Variants in SPRED2 observed in about 807,000 individuals in gnomAD.
SPRED2 encodes sprouty related EVH1 domain containing 2.
In SPRED2, 47 loss-of-function variants were observed where a neutral mutation model predicts 43.0. The observed-to-expected ratio is 1.09, with a 90% CI of 0.87 to 1.40. The LOEUF is 1.40. Ranked by LOEUF, SPRED2 falls within the 40% of genes most tolerant of loss-of-function variation. The probability of loss-of-function intolerance (pLI) is 0.00; values close to 1 mark genes in which losing one functional copy is unlikely to be tolerated. For synonymous variants in SPRED2, 225 were observed against 225.7 expected (o/e 1.00, Z 0.03); for missense variants, 561 against 586.4 (o/e 0.96, Z 0.45).
At chr2:65,322,066 C>G (rs962641413) in intron 4 of SPRED2, among the ~76,000 whole-genome samples, 11 of 151,852 alleles carry the variant, frequency 7.2e-5, no homozygotes, top group African/African-American at 2.4e-4. Flanking sequence ...TGAGCTACCA[C>G]GCCTGGCCTA....
At chr2:65,418,447 C>T (rs1676339773) in intron 1 of SPRED2, among the ~76,000 whole-genome samples, 1 of 152,222 alleles carries the variant, frequency 6.6e-6, no homozygotes, top group African/African-American at 2.4e-5. Flanking sequence ...ATACTACCAT[C>T]ATCCTTTTCT....
At chr2:65,404,545 A>G (rs1675978831) in intron 1 of SPRED2, among the ~76,000 whole-genome samples, 1 of 152,194 alleles carries the variant, frequency 6.6e-6, no homozygotes, top group African/African-American at 2.4e-5. Context: ...CATTCATACT[A>G]TACCCTATTC....
chr2:65,340,035 A>T (rs766354164), intron 2 of SPRED2, among the ~76,000 whole-genome samples: 6 of 152,356 alleles, frequency 3.9e-5, no homozygotes, highest in Non-Finnish European at 8.8e-5. Flanking sequence ...GAGATCTTCA[A>T]AAACATAAAG....
chr2:65,311,857 A>G lies in SPRED2; in HGVS notation c.*1644T>C, dbSNP rs562635786. The G allele has an allele frequency of 2.0e-6, 2 of 985,470 alleles. No homozygotes were observed. The highest frequency in any genetic ancestry group is 9.4e-5 in the South Asian group (2 of 21,290). 61.0% of individuals were successfully genotyped at this position (985,470 alleles called of 1,614,324 possible). On this transcript the variant is annotated 3_prime_UTR_variant, in exon 6 of 6. Coordinates refer to ENST00000356388, the MANE Select transcript of SPRED2 (RefSeq NM_181784.3). ...GGTGAGCACAGCTAGCACTTTCCCA[A>G]TATGATTGGCAGACTGGAAAAAAGT...
At chr2:65,345,015 A>G in intron 1 of SPRED2, 119 bp from the exon 2 acceptor site, 1 of 984,762 alleles carries the variant, frequency 1.0e-6, no homozygotes, top group Non-Finnish European at 1.4e-6. Flanking sequence ...AAAGAAATCT[A>G]TGCTTGGCGG....
intron 2 of SPRED2, among the ~76,000 whole-genome samples, chr2:65,340,511 C>G (rs1364249783): frequency 6.6e-6 from 1 of 152,178 alleles, no homozygotes; most frequent in Non-Finnish European, 1.5e-5. Flanking sequence ...TGATTAGTCT[C>G]CATAAAGAGG....
chr2:65,356,488 C>CT (rs1235669594), intron 1 of SPRED2, among the ~76,000 whole-genome samples: 1 of 138,438 alleles, frequency 7.2e-6, no homozygotes, highest in African/African-American at 2.6e-5. Flanking sequence ...TAAACAGAAT[C>CT]TGATTACTTT....
chr2:65,427,696 G>A (rs1676588291), intron 1 of SPRED2, among the ~76,000 whole-genome samples: 2 of 152,220 alleles, frequency 1.3e-5, no homozygotes, highest in Admixed American at 6.5e-5. Context: ...GGGAAGATAA[G>A]TGAAGTGAGA....
In SPRED2 at chr2:65,312,229, C is replaced by T. The variant is rs181508318; in HGVS notation, c.*1272G>A. ...CTAACCACCTGTGCACCCAAAGTGG[C>T]GAGTCTGGGTTTGGAGTTGCAGGAG... On this transcript the variant is annotated 3_prime_UTR_variant, in exon 6 of 6. Coordinates refer to ENST00000356388, the MANE Select transcript of SPRED2 (RefSeq NM_181784.3). 1.8e-5 allele frequency: 18 copies of T among 985,628 alleles called. No individual in the cohort carries two copies. The highest frequency in any genetic ancestry group is 2.3e-4 in the East Asian group (2 of 8,800). The allele number at this position is 985,628 out of a possible 1,614,324, so 61.1% of individuals were successfully genotyped here. A position where few individuals can be genotyped will look rare whatever the true frequency, so the allele number is the denominator to read the frequency against.
chr2:65,315,426 G>A (rs1055222375), intron 5 of SPRED2, among the ~76,000 whole-genome samples: 1 of 152,116 alleles, frequency 6.6e-6, no homozygotes, highest in Non-Finnish European at 1.5e-5. Context: ...TTGATCATGC[G>A]CTTATTAGAT....
rs542779621 is a variant in SPRED2 at position 65,412,676 on chromosome 2, C to T, written c.26+19286G>A. ...TTTTTCAGCAACCAGTTTGAAGACC[C>T]CCCACCCCAAGAGGAATGAGATCAG... On this transcript the variant is annotated intron_variant, in intron 1 of 5. Coordinates refer to ENST00000356388, the MANE Select transcript of SPRED2 (RefSeq NM_181784.3). Among the ~76,000 whole-genome samples the T allele has an allele frequency of 4.5e-4, 69 of 152,150 alleles. 1 individual carries two copies. The highest frequency in any genetic ancestry group is 8.2e-4 in the Non-Finnish European group (56 of 67,990).
chr2:65,379,628 G>C (rs1675325753), intron 1 of SPRED2, among the ~76,000 whole-genome samples: 2 of 152,134 alleles, frequency 1.3e-5, no homozygotes, highest in Admixed American at 6.5e-5. Flanking sequence ...ACCCTGAAGT[G>C]TAATCATGTT....
At chr2:65,348,387 G>A (rs1558662985) in intron 1 of SPRED2, among the ~76,000 whole-genome samples, 1 of 152,154 alleles carries the variant, frequency 6.6e-6, no homozygotes, top group African/African-American at 2.4e-5. Context: ...AATTCCACAG[G>A]AGCAGAAACT....
chr2:65,392,883 T>C (rs1375513286), intron 1 of SPRED2, among the ~76,000 whole-genome samples: 1 of 152,080 alleles, frequency 6.6e-6, no homozygotes, highest in Non-Finnish European at 1.5e-5. Flanking sequence ...GTGGCAAGGA[T>C]GAGGGACGGA....
At chr2:65,309,614 G>C (rs1300986151), downstream of SPRED2, among the ~76,000 whole-genome samples, 1 of 151,934 alleles carries the variant, frequency 6.6e-6, no homozygotes, top group Non-Finnish European at 1.5e-5. Flanking sequence ...CTATCTGCAG[G>C]GGGTCCTGGA....
chr2:65,396,626 G>A (rs935073639), intron 1 of SPRED2, among the ~76,000 whole-genome samples: 10 of 152,358 alleles, frequency 6.6e-5, no homozygotes, highest in African/African-American at 2.4e-4. Context: ...ACAGGACAGA[G>A]ATGGGTTTGT....
chr2:65,373,424 A>G lies in SPRED2; in HGVS notation c.27-28528T>C, dbSNP rs529808829. On this transcript the variant is annotated intron_variant, in intron 1 of 5. Transcript: ENST00000356388. Reference sequence around the variant, plus strand: ...CCTGATGCTGGATCTAAGAGACCACACCAAACTCACACACCAGTCCAAAAG... The same window carrying G: ...CCTGATGCTGGATCTAAGAGACCACGCCAAACTCACACACCAGTCCAAAAG... 2.0e-5 allele frequency among the ~76,000 whole-genome samples: 3 copies of G among 152,240 alleles called. No individual in the cohort carries two copies. The South Asian group carries it at 6.2e-4, about 31-fold the overall frequency.
At chr2:65,322,014 A>G (rs967916654) in intron 4 of SPRED2, among the ~76,000 whole-genome samples, 23 of 151,222 alleles carry the variant, frequency 1.5e-4, no homozygotes, top group African/African-American at 5.6e-4. Flanking sequence ...AGCTCAGGCA[A>G]TCTGCCCACC....
At chr2:65,333,917 G>C (rs1673887424) in intron 3 of SPRED2, among the ~76,000 whole-genome samples, 1 of 152,136 alleles carries the variant, frequency 6.6e-6, no homozygotes, top group Admixed American at 6.5e-5. Flanking sequence ...GTATTAACAT[G>C]CCTTGCTTGA....
Sources: gnomAD v4.1 joint callset for allele counts (sites outside exome capture counted in the v4.1 genomes callset) on GRCh38, gnomAD v4.1.1 for gene constraint, MANE v1.5 for transcripts, NCBI Gene and HGNC (gene_info 2026-07-23, HGNC 2026-07-21) for gene names.